CLIC5: variants seen among roughly 807,000 people sequenced by gnomAD.
CLIC5 encodes chloride intracellular channel protein 5.
A neutral mutation model predicts 24.7 loss-of-function variants in CLIC5; 20 were observed. The observed-to-expected ratio is 0.81, with a 90% CI of 0.57 to 1.18. The LOEUF (loss-of-function observed/expected upper bound fraction) is 1.18, where lower values mean the gene tolerates loss of function less well. Ranked by LOEUF, CLIC5 falls within the 50% of genes most tolerant of loss-of-function variation. The pLI, the probability that CLIC5 is intolerant of heterozygous loss-of-function variation, is 0.00. For synonymous variants in CLIC5, 159 were observed against 135.6 expected, an observed-to-expected ratio of 1.17 and a Z score of -1.20; for missense variants, 341 against 326.1, an observed-to-expected ratio of 1.05 and a Z score of -0.35.
chr6:46,083,733 GA>G (rs1186315022), upstream of CLIC5, among the ~76,000 whole-genome samples: 5 of 152,026 alleles, frequency 3.3e-5, no homozygotes, highest in African/African-American at 9.7e-5. Flanking sequence ...GTGTGGTGCT[GA>G]AAAAAATGTA....
the CLIC5 span, chr6:46,122,926 A>C: frequency 6.6e-6 from 1 of 152,148 alleles, no homozygotes; most frequent in Non-Finnish European, 1.5e-5. Flanking sequence ...CTCTGAAATT[A>C]AGGCAATAAT....
At chr6:45,999,556 A>T (rs1488411164) in intron 1 of CLIC5, among the ~76,000 whole-genome samples, 1 of 152,082 alleles carries the variant, frequency 6.6e-6, no homozygotes, top group Non-Finnish European at 1.5e-5. Context: ...CCACTTATAC[A>T]TGGATAAGTA....
At chr6:46,089,949 T>A in the CLIC5 span, among the ~76,000 whole-genome samples, 1 of 152,356 alleles carries the variant, frequency 6.6e-6, no homozygotes, top group East Asian at 1.9e-4. Context: ...ACAGACAGTA[T>A]TTTTCGTGAT....
At chr6:46,116,419 C>T in the CLIC5 span, among the ~76,000 whole-genome samples, 2 of 152,108 alleles carry the variant, frequency 1.3e-5, no homozygotes, top group Non-Finnish European at 2.9e-5. Flanking sequence ...CTCTGCTACT[C>T]ACCAGCAGAA....
chr6:45,922,835 T>TAGAGAGAGAGAGAGAG (rs36124366), intron 4 of CLIC5, among the ~76,000 whole-genome samples: 1 of 144,294 alleles, frequency 6.9e-6, no homozygotes, highest in Non-Finnish European at 1.5e-5. Flanking sequence ...GAGAGAGAGA[T>TAGAGAGAGAGAGAGAG]AGAGAGAGAG....
chr6:46,042,333 A>AT (rs1463615623), intron 1 of CLIC5, among the ~76,000 whole-genome samples: 4 of 151,520 alleles, frequency 2.6e-5, no homozygotes, highest in South Asian at 4.2e-4. Context: ...GTTGAAATTA[A>AT]TTTTTTTTTC....
Position 45,903,073 on chromosome 6 carries a change from G to A in CLIC5, c.*15C>T, listed in dbSNP as rs1320368585. The A allele has an allele frequency of 6.2e-7, 1 of 1,613,784 alleles. No homozygotes were observed. The highest frequency in any genetic ancestry group is 1.1e-5 in the South Asian group (1 of 91,048). ...TGAGTCCTTCTGCAGCGGGGATGGGGCAAAATGGCTGTGCTCAGGATCGGC... is the reference window on the plus strand; with the variant it reads ...TGAGTCCTTCTGCAGCGGGGATGGGACAAAATGGCTGTGCTCAGGATCGGC... On this transcript the variant is annotated 3_prime_UTR_variant, in exon 6 of 6. Transcript: ENST00000339561.
the CLIC5 span, among the ~76,000 whole-genome samples, chr6:46,087,209 G>A: frequency 6.6e-6 from 1 of 152,134 alleles, no homozygotes; most frequent in Non-Finnish European, 1.5e-5. Context: ...GGTCCTAGAG[G>A]AGCTTGGGTA....
chr6:46,019,842 T>C (rs1290120403), upstream of CLIC5, among the ~76,000 whole-genome samples: 1 of 151,010 alleles, frequency 6.6e-6, no homozygotes, highest in Non-Finnish European at 1.5e-5. Flanking sequence ...ATAATAATAA[T>C]AATAACAGAG....
intron 1 of CLIC5, among the ~76,000 whole-genome samples, chr6:46,029,104 T>C (rs1288214351): frequency 6.6e-6 from 1 of 152,156 alleles, no homozygotes; most frequent in African/African-American, 2.4e-5. Flanking sequence ...AACTTAGTAA[T>C]ATACATTTAC....
At chr6:45,914,668 A>C in intron 4 of CLIC5, 56 of 455,146 alleles carry the variant, frequency 1.2e-4, no homozygotes, top group Non-Finnish European at 1.6e-4. Flanking sequence ...ATATAGAAAC[A>C]CAGTCTGGGT....
At chr6:45,938,387 G>T (rs764578339) in intron 4 of CLIC5, among the ~76,000 whole-genome samples, 2 of 152,316 alleles carry the variant, frequency 1.3e-5, no homozygotes, top group South Asian at 4.1e-4. Flanking sequence ...CAACTCGGGG[G>T]TATTGGGTGG....
intron 1 of CLIC5, among the ~76,000 whole-genome samples, chr6:45,958,439 T>TATATATACACACACACACACACACACAC (rs1350209541): frequency 1.6e-4 from 2 of 12,394 alleles, no homozygotes; most frequent in Admixed American, 9.8e-4. Flanking sequence ...TATATATATA[T>TATATATACACACACACACACACACACAC]ATATATATAT....
chr6:46,085,291 G>T (rs528281313), upstream of CLIC5, among the ~76,000 whole-genome samples: 48 of 152,288 alleles, frequency 3.2e-4, no homozygotes, highest in South Asian at 9.1e-3. Flanking sequence ...GTCATTCTCC[G>T]TCCAGCTTTT....
intron 6 of CLIC5, among the ~76,000 whole-genome samples, chr6:45,892,605 T>C (rs1430807917): frequency 2.6e-5 from 4 of 152,256 alleles, no homozygotes; most frequent in Non-Finnish European, 4.4e-5. Context: ...ATTTCCATGA[T>C]GCAACCATGT....
chr6:45,907,253 T>C (rs2127298608), intron 5 of CLIC5, among the ~76,000 whole-genome samples: 1 of 152,352 alleles, frequency 6.6e-6, no homozygotes, highest in South Asian at 2.1e-4. Flanking sequence ...TTGAATTTTA[T>C]CCAAAGGTTT....
Position 45,903,075 on chromosome 6 carries a change from A to T in CLIC5, c.*13T>A. 6.2e-7 allele frequency: 1 copy of T among 1,613,956 alleles called. No homozygotes were observed. Reference sequence around the variant, plus strand: ...AGTCCTTCTGCAGCGGGGATGGGGCAAAATGGCTGTGCTCAGGATCGGCTG... The same window carrying T: ...AGTCCTTCTGCAGCGGGGATGGGGCTAAATGGCTGTGCTCAGGATCGGCTG... On this transcript the variant is annotated 3_prime_UTR_variant, in exon 6 of 6. Coordinates refer to ENST00000339561, the MANE Select transcript of CLIC5 (RefSeq NM_016929.5).
intron 1 of CLIC5, among the ~76,000 whole-genome samples, chr6:45,985,713 G>A (rs1197902432): frequency 1.3e-5 from 2 of 152,102 alleles, no homozygotes; most frequent in South Asian, 2.1e-4. Context: ...GCCACTCTGG[G>A]TTGGCTGCAT....
chr6:46,101,529 A>G, the CLIC5 span, among the ~76,000 whole-genome samples: 1,128 of 152,320 alleles, frequency 7.4e-3, 13 homozygotes, highest in African/African-American at 0.025. Context: ...TCAAAAGACA[A>G]AAAGCAAGTT....
Sources: gnomAD v4.1 joint callset for allele counts (sites outside exome capture counted in the v4.1 genomes callset) on GRCh38, gnomAD v4.1.1 for gene constraint, MANE v1.5 for transcripts, NCBI Gene and HGNC (gene_info 2026-07-23, HGNC 2026-07-21) for gene names.